Variants in ASXL3 observed in about 807,000 individuals in gnomAD.
ASXL3 encodes putative Polycomb group protein ASXL3.
Under a neutral mutation model 170.6 loss-of-function variants are expected in ASXL3, and 34 were observed. The observed-to-expected ratio is 0.20, with a 90% confidence interval of 0.15 to 0.27. ASXL3 has a LOEUF of 0.27. Among genes scored for constraint, ASXL3 ranks in the 10% least tolerant of loss-of-function variants. The pLI, the probability that ASXL3 is intolerant of heterozygous loss-of-function variation, is 1.00. For missense variants in ASXL3, 2,592 were observed against 2,695.3 expected, an observed-to-expected ratio of 0.96 and a Z score of 0.85; for synonymous variants, 1,002 against 989.1, an observed-to-expected ratio of 1.01 and a Z score of -0.24.
chr18:33,723,088 G>A (rs1010839226), intron 8 of ASXL3, among the ~76,000 whole-genome samples: 1 of 152,100 alleles, frequency 6.6e-6, no homozygotes, highest in African/African-American at 2.4e-5. Flanking sequence ...CAATGCAGTG[G>A]GGTCACTGAA....
intron 8 of ASXL3, among the ~76,000 whole-genome samples, chr18:33,699,015 C>G (rs887937359): frequency 3.3e-5 from 5 of 151,916 alleles, no homozygotes; most frequent in African/African-American, 1.2e-4. Flanking sequence ...AATAAAAAGA[C>G]AACAATAAAA....
At position 33,749,045 on chromosome 18, in the gene ASXL3, C is replaced by G. The variant is rs1431506675; in HGVS notation, c.*2450C>G. 6.7e-6 allele frequency: 1 copy of G among 148,458 alleles called. No individual in the cohort carries two copies. The highest frequency in any genetic ancestry group is 6.7e-5 in the Admixed American group (1 of 14,882). The allele number at this position is 148,458 out of a possible 1,614,324, so 9.2% of individuals were successfully genotyped here. On this transcript the variant is annotated 3_prime_UTR_variant, in exon 12 of 12. Coordinates refer to ENST00000269197, the MANE Select transcript of ASXL3 (RefSeq NM_030632.3). Reference sequence around the variant, plus strand: ...GTTGATAGTGCATGGATTCTATCATCCAGGTCCGATTAGCATAATTTTTCT... The same window carrying G: ...GTTGATAGTGCATGGATTCTATCATGCAGGTCCGATTAGCATAATTTTTCT...
rs8094522 is a variant in ASXL3, at chr18:33,646,036, A to G, written c.247-209A>G. 0.62 allele frequency among the ~76,000 whole-genome samples: 94,163 copies of G among 150,996 alleles called. 30,131 individuals carry two copies. Among genetic ancestry groups the G allele is most frequent in the East Asian group, 0.89 (4,568 of 5,142 alleles). The stretch of plus-strand genomic sequence containing the variant: ...CTTTTTTTGGGTATAGATTTTAAAA[A>G]TTTATCCAAAAAAAAAATCAACAGT... On this transcript the variant is annotated intron_variant, in intron 3 of 11. Coordinates refer to ENST00000269197, the MANE Select transcript of ASXL3 (RefSeq NM_030632.3).
intron 7 of ASXL3, among the ~76,000 whole-genome samples, chr18:33,672,513 C>T (rs2066360149): frequency 1.3e-5 from 2 of 152,178 alleles, no homozygotes; most frequent in African/African-American, 4.8e-5. Flanking sequence ...CAAAAATAAA[C>T]ATATCCTGGT....
chr18:33,692,260 T>C (rs2066697542), intron 8 of ASXL3, among the ~76,000 whole-genome samples: 2 of 152,192 alleles, frequency 1.3e-5, no homozygotes, highest in South Asian at 4.1e-4. Context: ...GATTTTGCAC[T>C]GGAGCAGGAC....
intron 8 of ASXL3, among the ~76,000 whole-genome samples, chr18:33,690,589 C>A (rs7230086): frequency 0.097 from 14,760 of 152,156 alleles, 843 homozygotes; most frequent in African/African-American, 0.16. Flanking sequence ...CACACTGATA[C>A]CTCCAATCCT....
chr18:33,643,956 A>G (rs2065881354), intron 2 of ASXL3, among the ~76,000 whole-genome samples: 1 of 152,000 alleles, frequency 6.6e-6, no homozygotes, highest in Middle Eastern at 3.4e-3. Context: ...AGTAAAATGT[A>G]TATGGATGTA....
At chr18:33,613,403 G>A (rs2065369234) in intron 2 of ASXL3, among the ~76,000 whole-genome samples, 1 of 151,970 alleles carries the variant, frequency 6.6e-6, no homozygotes, top group South Asian at 2.1e-4. Flanking sequence ...ACCGACTGCA[G>A]TTTATAGTAG....
chr18:33,664,704 G>T (rs2145240162), intron 5 of ASXL3, among the ~76,000 whole-genome samples: 1 of 152,262 alleles, frequency 6.6e-6, no homozygotes, highest in East Asian at 1.9e-4. Context: ...TTCTACCCCT[G>T]CCTAAAGCAT....
chr18:33,597,186 A>T (rs534500718), intron 1 of ASXL3, among the ~76,000 whole-genome samples: 1 of 152,284 alleles, frequency 6.6e-6, no homozygotes, highest in African/African-American at 2.4e-5. Flanking sequence ...CATATAAATT[A>T]CATAATATGT....
At chr18:33,675,698 G>A (rs541900590) in intron 7 of ASXL3, among the ~76,000 whole-genome samples, 1 of 152,098 alleles carries the variant, frequency 6.6e-6, no homozygotes, top group South Asian at 2.1e-4. Context: ...CCTGTGCAAG[G>A]CCTGAGTTTC....
In ASXL3 at chr18:33,652,265, T is replaced by C. The variant is rs564425295; in HGVS notation, c.355+5912T>C. On this transcript the variant is annotated intron_variant, in intron 4 of 11. Coordinates refer to ENST00000269197, the MANE Select transcript of ASXL3 (RefSeq NM_030632.3). ...TATATCGTGAGTTTCCTAACACATA[T>C]TAAGTTGACTCACAATGTGTTGTTG... Among the ~76,000 whole-genome samples, 8 of 152,156 alleles carry C rather than the reference T, an allele frequency of 5.3e-5. No individual in the cohort carries two copies. In the South Asian group the frequency reaches 8.3e-4, roughly 16 times the overall value.
At chr18:33,683,354 A>G (rs2066543912) in intron 7 of ASXL3, 51 bp from the exon 8 acceptor site, 1 of 1,521,588 alleles carries the variant, frequency 6.6e-7, no homozygotes, top group South Asian at 1.3e-5. Context: ...ACGTACGTAC[A>G]CGTTTCCCTC....
At chr18:33,602,103 G>A (rs1004737938) in intron 1 of ASXL3, among the ~76,000 whole-genome samples, 1 of 151,816 alleles carries the variant, frequency 6.6e-6, no homozygotes, top group African/African-American at 2.4e-5. Context: ...CGTCTGGGCT[G>A]ATTGTTCTTA....
In ASXL3 at chr18:33,747,803, C is replaced by G. The variant is rs1225957693; in HGVS notation, c.*1208C>G. On this transcript the variant is annotated 3_prime_UTR_variant, in exon 12 of 12. Transcript: ENST00000269197. The stretch of plus-strand genomic sequence containing the variant: ...TTCCCTCAGGTATATTCAATACATT[C>G]TTCATATTTGGGGGAACTGCTTTTG... 1.3e-5 allele frequency: 2 copies of G among 152,030 alleles called. No homozygotes were observed. The highest frequency in any genetic ancestry group is 2.9e-5 in the Non-Finnish European group (2 of 68,010). The allele number at this position is 152,030 out of a possible 1,614,324, so 9.4% of individuals were successfully genotyped here.
chr18:33,655,896 C>A (rs1429829630), intron 4 of ASXL3, among the ~76,000 whole-genome samples: 1 of 152,020 alleles, frequency 6.6e-6, no homozygotes, highest in Non-Finnish European at 1.5e-5. Context: ...AAGTTTTCAT[C>A]GGTAGTTCTC....
chr18:33,733,911 A>G (rs2067496654), intron 9 of ASXL3, among the ~76,000 whole-genome samples: 1 of 152,072 alleles, frequency 6.6e-6, no homozygotes, highest in African/African-American at 2.4e-5. Context: ...ATATTTCACT[A>G]CATTTATTAT....
At chr18:33,585,302 T>G (rs1291142830) in intron 1 of ASXL3, among the ~76,000 whole-genome samples, 4 of 152,168 alleles carry the variant, frequency 2.6e-5, no homozygotes, top group Non-Finnish European at 5.9e-5. Flanking sequence ...GTTCTGCTTT[T>G]GTCCCTGCAC....
At chr18:33,619,912 C>T (rs1024538725) in intron 2 of ASXL3, among the ~76,000 whole-genome samples, 23 of 152,176 alleles carry the variant, frequency 1.5e-4, no homozygotes, top group African/African-American at 5.1e-4. Context: ...TTATTAACAT[C>T]GTTTTTCCTT....
Sources: gnomAD v4.1 joint callset for allele counts (sites outside exome capture counted in the v4.1 genomes callset) on GRCh38, gnomAD v4.1.1 for gene constraint, MANE v1.5 for transcripts, NCBI Gene and HGNC (gene_info 2026-07-23, HGNC 2026-07-21) for gene names.